The following LMNTD2 variants were observed in gnomAD, a reference collection of about 807,000 sequenced individuals.
LMNTD2 encodes lamin tail domain-containing protein 2.
LMNTD2 carries 83 observed loss-of-function variants against 70.1 expected under a neutral mutation model. That is an observed-to-expected ratio of 1.18 (90% CI 0.99 to 1.42). The LOEUF is 1.42. Ranked by LOEUF, LMNTD2 falls within the 40% of genes most tolerant of loss-of-function variation. The pLI, the probability that LMNTD2 is intolerant of heterozygous loss-of-function variation, is 0.00. For synonymous variants in LMNTD2, 534 were observed against 406.1 expected (o/e 1.31, Z -3.79); for missense variants, 1,153 against 905.9 (o/e 1.27, Z -3.50).
At chr11:560,155 G>T in intron 1 of LMNTD2, 1 of 302,102 alleles carries the variant, frequency 3.3e-6, no homozygotes, top group Non-Finnish European at 4.9e-6. Flanking sequence ...AGGGCTCCCT[G>T]GGGGAGCACA....
Position 555,323 on chromosome 11 carries a change from C to T in LMNTD2, c.1755G>A (p.Gln585=). The part of the protein sequence containing the change: ...AGLGLEDCRL[Q]KEHRVRVCRK... ...CACTCACCCGAACTCGGTGTTCTTT[C>T]TGGAGCCGACAGTCCTCCAGGCCCA... The change falls in exon 13 of 14, where the codon CAG becomes CAA. Residue 585 remains glutamine (Q), a synonymous_variant. Transcript: ENST00000329451. 2.1e-6 allele frequency: 3 copies of T among 1,421,334 alleles called. No homozygotes were observed. The highest frequency in any genetic ancestry group is 2.8e-6 in the Non-Finnish European group (3 of 1,090,092). 88.0% of individuals were successfully genotyped at this position (1,421,334 alleles called of 1,614,324 possible).
chr11:555,118 G>GGCGCGGGGGCTGAGAGGC lies in LMNTD2; in HGVS notation c.1774-25_1774-8dup, dbSNP rs765676722. Reference sequence around the variant, plus strand: ...CCACGCTCTTCCGGCACACCTGGGGGGCGCGGGGGCTGAGAGGCGCGCGGG... The same window carrying GGCGCGGGGGCTGAGAGGC: ...CCACGCTCTTCCGGCACACCTGGGGGGCGCGGGGGCTGAGAGGCGCGCGGGGGCTGAGAGGCGCGCGGG... On this transcript the variant is annotated splice_region_variant and splice_polypyrimidine_tract_variant and intron_variant, in intron 13 of 13. Coordinates refer to ENST00000329451, the MANE Select transcript of LMNTD2 (RefSeq NM_173573.3). 2.1e-6 allele frequency: 3 copies of GGCGCGGGGGCTGAGAGGC among 1,456,894 alleles called. No homozygotes were observed. The African/African-American group carries it at 4.4e-5, about 22-fold the overall frequency. 90.2% of individuals were successfully genotyped at this position (1,456,894 alleles called of 1,614,324 possible).
intron 5 of LMNTD2, 24 bp downstream of exon 5, chr11:557,860 G>A (rs375466569): frequency 9.1e-6 from 14 of 1,544,814 alleles, no homozygotes; most frequent in Middle Eastern, 2.3e-4. Flanking sequence ...GCCTGGGGCA[G>A]GAGGGCTTGG....
In LMNTD2 at chr11:555,324, T is replaced by C. The variant is rs746470566; in HGVS notation, c.1754A>G (p.Gln585Arg). 1 of 1,420,318 alleles carries C rather than the reference T, an allele frequency of 7.0e-7. No homozygotes were observed. The highest frequency in any genetic ancestry group is 3.0e-5 in the Admixed American group (1 of 33,508). The allele number at this position is 1,420,318 out of a possible 1,614,324, so 88.0% of individuals were successfully genotyped here. The change falls in exon 13 of 14, where the codon CAG becomes CGG. Residue 585 changes from glutamine to arginine, a missense_variant. Gln to Arg is a conservative substitution (Grantham distance 43, BLOSUM62 1). Coordinates refer to ENST00000329451, the MANE Select transcript of LMNTD2 (RefSeq NM_173573.3). ...ACTCACCCGAACTCGGTGTTCTTTC[T>C]GGAGCCGACAGTCCTCCAGGCCCAG... ...AGLGLEDCRL[Q>R]KEHRVRVCRK...
At chr11:558,487 A>G in intron 3 of LMNTD2, 127 bp downstream of exon 3, 1 of 1,255,272 alleles carries the variant, frequency 8.0e-7, no homozygotes, top group Non-Finnish European at 1.1e-6. Flanking sequence ...ATCAGGGTGG[A>G]GGGTCAGCGC....
chr11:560,447 C>T (rs1020285419), intron 1 of LMNTD2: 22 of 1,249,982 alleles, frequency 1.8e-5, no homozygotes, highest in Non-Finnish European at 2.2e-5. Context: ...CAGGGCTCCA[C>T]CTCCCTCGCC....
At chr11:558,324 G>C (rs1290097404) in intron 3 of LMNTD2, 76 bp from the exon 4 acceptor site, 5 of 1,502,696 alleles carry the variant, frequency 3.3e-6, no homozygotes, top group Non-Finnish European at 4.5e-6. Flanking sequence ...TGGCGAAGGA[G>C]GGGAGAAGGA....
At position 557,381 on chromosome 11, in the gene LMNTD2, C is replaced by T. The variant is rs1428064549; in HGVS notation, c.713+18G>A. The T allele has an allele frequency of 2.5e-6, 4 of 1,580,362 alleles. No individual in the cohort carries two copies. The highest frequency in any genetic ancestry group is 3.4e-6 in the Non-Finnish European group (4 of 1,162,502). ...CCTCCCTTCTGGCCCCTGGGGAGTC[C>T]CTGCTCTGTGCAGTTACTTTTGCTT... is the stretch of plus-strand genomic sequence containing the variant. On this transcript the variant is annotated intron_variant, in intron 7 of 13. Coordinates refer to ENST00000329451, the MANE Select transcript of LMNTD2 (RefSeq NM_173573.3).
chr11:557,239 G>A, intron 7 of LMNTD2, 142 bp from the exon 8 acceptor site: 2 of 1,385,282 alleles, frequency 1.4e-6, no homozygotes, highest in Non-Finnish European at 1.9e-6. Flanking sequence ...AGTGATGGCT[G>A]CCTCAACCCC....
At chr11:559,377 G>A (rs1198187550) in intron 1 of LMNTD2, 8 of 1,328,114 alleles carry the variant, frequency 6.0e-6, no homozygotes, top group Middle Eastern at 2.1e-4. Context: ...AGGCCTGGGA[G>A]GGAAGGGCTG....
In LMNTD2 at chr11:555,504, C is replaced by T. The variant is rs2134091029; in HGVS notation, c.1575-1G>A. 3 of 1,361,042 alleles carry T rather than the reference C, an allele frequency of 2.2e-6. No individual in the cohort carries two copies. Among genetic ancestry groups the T allele is most frequent in the East Asian group, 3.0e-5 (1 of 33,814 alleles). The allele number at this position is 1,361,042 out of a possible 1,614,324, so 84.3% of individuals were successfully genotyped here. A position where few individuals can be genotyped will look rare whatever the true frequency, so the allele number is the denominator to read the frequency against. On this transcript the variant is annotated splice_acceptor_variant, in intron 12 of 13. Coordinates refer to ENST00000329451, the MANE Select transcript of LMNTD2 (RefSeq NM_173573.3). LOFTEE classifies it high-confidence loss of function. ...CACTGGGGGCAGCAGGCCCCGCGTC[C>T]TGGTGGGGCGAGGGTCGTGAGGGCG...
intron 8 of LMNTD2, 111 bp downstream of exon 8, chr11:556,724 G>A (rs1256159500): frequency 7.0e-7 from 1 of 1,430,568 alleles, no homozygotes. Flanking sequence ...CAGGAAAGGT[G>A]GCTGGACCTT....
At chr11:559,538 G>GC (rs1853147584) in intron 1 of LMNTD2, 2 of 1,232,690 alleles carry the variant, frequency 1.6e-6, no homozygotes, top group African/African-American at 3.1e-5. Flanking sequence ...GCTCAGCTTA[G>GC]CGGGGGGACC....
In LMNTD2 at chr11:557,598, CAG is replaced by C. The variant is rs760458910; in HGVS notation, c.596_597del (p.Ser199Ter). ...AETLMDPSDLSENIQAPTGEG... is the reference protein window; with the variant it reads ...AETLMDPSDLXENIQAPTGEG... ...TCCCCGGTGGGGGCCTGAATGTTTT[CAG>C]AGAGGTCGCTTGGGTCCATCAGAGT... On this transcript the variant is annotated frameshift_variant, in exon 6 of 14. Coordinates refer to ENST00000329451, the MANE Select transcript of LMNTD2 (RefSeq NM_173573.3). LOFTEE classifies it high-confidence loss of function. 3.1e-6 allele frequency: 5 copies of C among 1,613,322 alleles called. No homozygotes were observed. The highest frequency in any genetic ancestry group is 4.2e-6 in the Non-Finnish European group (5 of 1,179,852).
In LMNTD2 at chr11:558,924, G is replaced by C; in HGVS notation, c.90C>G (p.Pro30=). 6.2e-7 allele frequency: 1 copy of C among 1,608,184 alleles called. No homozygotes were observed. The highest frequency in any genetic ancestry group is 8.5e-7 in the Non-Finnish European group (1 of 1,179,676). ...LGPPAGAPAA[P]ETPTCLPDTT... is the part of the protein sequence containing the mutation. ...TGTCTGGCAGGCACGTGGGAGTCTC[G>C]GGGGCTGCAGGTGCGCCTGCTGGAG... The change falls in exon 2 of 14, where the codon CCC becomes CCG. Residue 30 remains proline (P), a synonymous_variant. Transcript: ENST00000329451.
chr11:559,577 C>T, intron 1 of LMNTD2: 4 of 1,189,194 alleles, frequency 3.4e-6, no homozygotes, highest in Non-Finnish European at 4.3e-6. Context: ...TGAGGGAGGC[C>T]CCAGCATCCC....
At chr11:555,191 G>A (rs1215665366) in intron 13 of LMNTD2, 80 bp from the exon 14 acceptor site, 2 of 472,658 alleles carry the variant, frequency 4.2e-6, no homozygotes, top group African/African-American at 2.8e-5. Context: ...GGGGAGGGGC[G>A]GGGAGGAGAG....
chr11:558,474 A>C (rs1303457635), intron 3 of LMNTD2, 140 bp downstream of exon 3: 1 of 1,186,800 alleles, frequency 8.4e-7, no homozygotes, highest in Non-Finnish European at 1.2e-6. Flanking sequence ...GTGTTAACTT[A>C]GGATCAGGGT....
chr11:555,687 C>T (rs1852806746), intron 12 of LMNTD2, 47 bp downstream of exon 12: 6 of 1,362,678 alleles, frequency 4.4e-6, no homozygotes, highest in Non-Finnish European at 4.7e-6. Context: ...TCTGCTGGGT[C>T]GGGGCCTGGG....
Sources: gnomAD v4.1 joint callset for allele counts on GRCh38, gnomAD v4.1.1 for gene constraint, MANE v1.5 for transcripts, NCBI Gene and HGNC (gene_info 2026-07-23, HGNC 2026-07-21) for gene names.